BCKDHB: variants seen among roughly 807,000 people sequenced by gnomAD.
BCKDHB encodes the protein branched chain keto acid dehydrogenase E1 subunit beta, also known as 2-oxoisovalerate dehydrogenase subunit beta, mitochondrial.
In BCKDHB, 41 loss-of-function variants were observed where a neutral mutation model predicts 48.5. That is an observed-to-expected ratio of 0.85 (90% CI 0.66 to 1.10). The LOEUF (loss-of-function observed/expected upper bound fraction) is 1.10. Among genes scored for constraint, BCKDHB ranks in the 50% least tolerant of loss-of-function variants. BCKDHB has a pLI of 0.00. For synonymous variants in BCKDHB, 201 were observed against 174.8 expected, an observed-to-expected ratio of 1.15 and a Z score of -1.18; for missense variants, 496 against 494.2, an observed-to-expected ratio of 1.00 and a Z score of -0.03.
chr6:80,254,520 A>AC (rs1776968401), intron 8 of BCKDHB, among the ~76,000 whole-genome samples: 1 of 152,070 alleles, frequency 6.6e-6, no homozygotes, highest in Admixed American at 6.6e-5. Flanking sequence ...ACATAGTGAG[A>AC]CCCCATCTCT....
the BCKDHB span, among the ~76,000 whole-genome samples, chr6:80,409,441 C>G: frequency 7.6e-4 from 115 of 150,888 alleles, 1 homozygote; most frequent in Non-Finnish European, 1.2e-3. Flanking sequence ...CTTTGTTAAT[C>G]TTCTGTCTCA....
chr6:80,181,009 C>T (rs373256259), intron 6 of BCKDHB, among the ~76,000 whole-genome samples: 94 of 152,244 alleles, frequency 6.2e-4, no homozygotes, highest in East Asian at 9.6e-4. Flanking sequence ...CCTTACCTTA[C>T]CCTTCACCAA....
chr6:80,367,470 T>TA, the BCKDHB span, among the ~76,000 whole-genome samples: 6 of 152,272 alleles, frequency 3.9e-5, no homozygotes, highest in Middle Eastern at 6.8e-3. Context: ...CAAACTCTAC[T>TA]GTTTTTTTAT....
At chr6:80,416,868 T>C in the BCKDHB span, among the ~76,000 whole-genome samples, 1 of 151,922 alleles carries the variant, frequency 6.6e-6, no homozygotes, top group African/African-American at 2.4e-5. Flanking sequence ...GTTCTATAAA[T>C]GCCTATCAGG....
chr6:80,312,953 G>C (rs1768243016), intron 9 of BCKDHB, among the ~76,000 whole-genome samples: 1 of 152,156 alleles, frequency 6.6e-6, no homozygotes, highest in East Asian at 1.9e-4. Context: ...GAATGAGTTA[G>C]AGAGGAGTCC....
intron 9 of BCKDHB, among the ~76,000 whole-genome samples, chr6:80,321,268 T>C (rs923802204): frequency 6.6e-6 from 1 of 152,176 alleles, no homozygotes; most frequent in Non-Finnish European, 1.5e-5. Context: ...TTTTCCATCC[T>C]TAAGTATCTG....
intron 8 of BCKDHB, among the ~76,000 whole-genome samples, chr6:80,207,410 G>A (rs1774717494): frequency 6.6e-6 from 1 of 151,758 alleles, no homozygotes; most frequent in African/African-American, 2.4e-5. Context: ...TGCATATCTA[G>A]CAAGTTAATA....
intron 8 of BCKDHB, among the ~76,000 whole-genome samples, chr6:80,236,948 T>G (rs1279297715): frequency 6.6e-5 from 10 of 152,332 alleles, no homozygotes; most frequent in African/African-American, 2.2e-4. Flanking sequence ...TAGATATACT[T>G]TGAGAGACAT....
chr6:80,156,788 G>T (rs950301101), intron 3 of BCKDHB, among the ~76,000 whole-genome samples: 2 of 152,174 alleles, frequency 1.3e-5, no homozygotes, highest in Non-Finnish European at 2.9e-5. Flanking sequence ...AAAACAGAAA[G>T]AGATTAAATA....
intron 3 of BCKDHB, among the ~76,000 whole-genome samples, chr6:80,164,634 T>G (rs1434035124): frequency 6.6e-6 from 1 of 152,246 alleles, no homozygotes; most frequent in East Asian, 1.9e-4. Context: ...TTAAGTAGTT[T>G]AAAAACATTT....
At chr6:80,418,104 T>C in the BCKDHB span, among the ~76,000 whole-genome samples, 8 of 152,206 alleles carry the variant, frequency 5.3e-5, no homozygotes, top group African/African-American at 1.9e-4. Flanking sequence ...TAGATTCTTT[T>C]CTCCACTTGA....
intron 3 of BCKDHB, among the ~76,000 whole-genome samples, chr6:80,159,544 A>AT (rs1056869975): frequency 1.3e-5 from 2 of 152,108 alleles, no homozygotes; most frequent in African/African-American, 4.8e-5. Flanking sequence ...TCTGTTTTCC[A>AT]TTTTTTAAGA....
chr6:80,166,642 G>A (rs1006669230), intron 3 of BCKDHB, among the ~76,000 whole-genome samples: 1 of 142,982 alleles, frequency 7.0e-6, no homozygotes, highest in Non-Finnish European at 1.5e-5. Context: ...GGTGACAAGA[G>A]CAAAACTCCA....
At chr6:80,461,348 T>C in the BCKDHB span, among the ~76,000 whole-genome samples, 1 of 152,174 alleles carries the variant, frequency 6.6e-6, no homozygotes, top group Admixed American at 6.5e-5. Context: ...GTGTCTATAT[T>C]CTAATCCTCT....
chr6:80,338,084 A>G (rs1769689456), intron 9 of BCKDHB, among the ~76,000 whole-genome samples: 1 of 152,194 alleles, frequency 6.6e-6, no homozygotes, highest in African/African-American at 2.4e-5. Flanking sequence ...AGTCTTGCAC[A>G]ATGGGCTGTA....
At chr6:80,463,887 G>T in the BCKDHB span, among the ~76,000 whole-genome samples, 3 of 152,110 alleles carry the variant, frequency 2.0e-5, no homozygotes, top group Non-Finnish European at 4.4e-5. Flanking sequence ...TAAGTTTTGG[G>T]CCTTGTCCAT....
chr6:80,205,792 GT>G (rs750417637), intron 8 of BCKDHB, among the ~76,000 whole-genome samples: 1,247 of 29,546 alleles, frequency 0.042, 17 homozygotes, highest in African/African-American at 0.16. Context: ...TGTGCCATGG[GT>G]GTGTGTGTGT....
chr6:80,147,621 A>T (rs1369032009), intron 3 of BCKDHB, among the ~76,000 whole-genome samples: 1 of 152,134 alleles, frequency 6.6e-6, no homozygotes, highest in African/African-American at 2.4e-5. Flanking sequence ...GGGTGAGATG[A>T]TGCCTGAGTC....
intron 9 of BCKDHB, chr6:80,307,579 T>C (rs1767942975): frequency 4.1e-6 from 4 of 984,790 alleles, no homozygotes; most frequent in Non-Finnish European, 3.6e-6. Flanking sequence ...AAAAATCTTC[T>C]AGTGAAAAAT....
Sources: allele counts gnomAD v4.1 joint callset (sites outside exome capture counted in the v4.1 genomes callset), GRCh38; gene constraint gnomAD v4.1.1; transcripts MANE v1.5; gene names NCBI Gene and HGNC (gene_info 2026-07-23, HGNC 2026-07-21).